Variants in STXBP2 observed in about 807,000 individuals in gnomAD.
The protein encoded by STXBP2 is syntaxin binding protein 2, also known as syntaxin-binding protein 2.
A neutral mutation model predicts 72.2 loss-of-function variants in STXBP2; 47 were observed. The ratio of observed to expected loss-of-function variants is 0.65; its 90% CI spans 0.51 to 0.83. STXBP2 has a LOEUF of 0.83. STXBP2 is among the 40% of genes least tolerant of loss of function. The pLI is 0.00. For missense variants in STXBP2, 702 were observed against 807.6 expected (o/e 0.87, Z 1.58); for synonymous variants, 367 against 338.7 (o/e 1.08, Z -0.92).
intron 1 of STXBP2, among the ~76,000 whole-genome samples, chr19:7,638,437 A>C: frequency 6.6e-6 from 1 of 152,110 alleles, no homozygotes; most frequent in Admixed American, 6.5e-5. Context: ...CCCCATCTAT[A>C]CAGAAATAAA....
chr19:7,631,153 A>T, the STXBP2 span: 2 of 1,014,468 alleles, frequency 2.0e-6, no homozygotes, highest in Non-Finnish European at 2.8e-6. Flanking sequence ...GGTTGCAGTG[A>T]GCCCAAGATC....
At chr19:7,631,042 C>T in the STXBP2 span, 27 of 780,682 alleles carry the variant, frequency 3.5e-5, no homozygotes, top group Non-Finnish European at 5.2e-5. Flanking sequence ...AACCCCATGT[C>T]TACAGAAATA....
chr19:7,638,328 G>A (rs2031646415), intron 1 of STXBP2, among the ~76,000 whole-genome samples: 1 of 152,224 alleles, frequency 6.6e-6, no homozygotes. Flanking sequence ...TGATTCCTGT[G>A]CCGTGTCTCA....
At chr19:7,640,458 G>A (rs1250476519) in intron 4 of STXBP2, 2 of 671,162 alleles carry the variant, frequency 3.0e-6, no homozygotes, top group South Asian at 3.1e-5. Flanking sequence ...GTATGTATGT[G>A]TGTGCATCTC....
At chr19:7,635,404 G>A (rs947099412), upstream of STXBP2, among the ~76,000 whole-genome samples, 4 of 152,216 alleles carry the variant, frequency 2.6e-5, no homozygotes, top group African/African-American at 9.7e-5. Context: ...TGTTACAAAA[G>A]GAGGAAGGGG....
chr19:7,632,059 C>A, upstream of STXBP2: 1 of 522,824 alleles, frequency 1.9e-6, no homozygotes, highest in Non-Finnish European at 3.3e-6. The surrounding 1 kb of genome is among the most constrained non-coding windows in gnomAD (Gnocchi z 5.2). Context: ...TGTGAGTATA[C>A]AGATGTATAT....
Position 7,640,828 on chromosome 19 carries a change from G to A in STXBP2, c.325+19G>A, listed in dbSNP as rs2146213626. 1.2e-6 allele frequency: 2 copies of A among 1,614,070 alleles called. No homozygotes were observed. Among genetic ancestry groups the A allele is most frequent in the African/African-American group, 1.3e-5 (1 of 75,036 alleles). ...ACCGACAGTGAGTGAGGAGAGCCTA[G>A]GGTGTTGGTGGGTGGGGCAAGGAGG... On this transcript the variant is annotated intron_variant, in intron 5 of 18. Coordinates refer to ENST00000221283, the MANE Select transcript of STXBP2 (RefSeq NM_006949.4).
At chr19:7,637,797 C>T (rs2031616133) in intron 1 of STXBP2, among the ~76,000 whole-genome samples, 1 of 152,224 alleles carries the variant, frequency 6.6e-6, no homozygotes, top group Admixed American at 6.5e-5. Flanking sequence ...CCCTGGCCGT[C>T]TTGATAACAG....
chr19:7,647,695 C>T (rs2032194049), intron 18 of STXBP2, 30 bp from the exon 19 acceptor site: 1 of 1,612,592 alleles, frequency 6.2e-7, no homozygotes, highest in African/African-American at 1.3e-5. Context: ...CGCCCCCCAA[C>T]ATCTTCCCCA....
chr19:7,641,199 TAAAA>T (rs1417339723), intron 6 of STXBP2, 196 bp downstream of exon 6: 2 of 663,368 alleles, frequency 3.0e-6, no homozygotes, highest in Non-Finnish European at 5.4e-6. Context: ...CCCCGTCTCT[TAAAA>T]AAAGAAAAAG....
At chr19:7,631,771 TG>T in the STXBP2 span, 1 of 1,419,968 alleles carries the variant, frequency 7.0e-7, no homozygotes, top group Non-Finnish European at 9.2e-7. Flanking sequence ...GAGCAGGGGT[TG>T]GGGACTGAGG....
chr19:7,640,197 T>C (rs919939264), intron 4 of STXBP2: 1 of 555,242 alleles, frequency 1.8e-6, no homozygotes, highest in Non-Finnish European at 3.4e-6. Flanking sequence ...CATGTGTGTA[T>C]GCGTGTGTAT....
chr19:7,644,669 T>C lies in STXBP2; in HGVS notation c.1163T>C (p.Leu388Pro), dbSNP rs1251317878. 9 of 1,613,730 alleles carry C rather than the reference T, an allele frequency of 5.6e-6. No homozygotes were observed. Among genetic ancestry groups the C allele is most frequent in the Non-Finnish European group, 7.6e-6 (9 of 1,179,848 alleles). The change falls in exon 14 of 19, where the codon CTG becomes CCG. Residue 388 changes from leucine to proline, a missense_variant. By Grantham distance (98) the Leu-to-Pro change is moderately conservative. Transcript: ENST00000221283. ...EGEKIKDSMK[L>P]IVPVLLDAAV... The stretch of plus-strand genomic sequence containing the variant: ...GAGAAGATCAAGGACTCCATGAAGC[T>C]GATCGTTCCGGTGCTGCTGGACGCG...
At position 7,642,556 on chromosome 19, in the gene STXBP2, G is replaced by A. The variant is rs779607080; in HGVS notation, c.902+20G>A. 309 of 1,611,096 alleles carry A rather than the reference G, an allele frequency of 1.9e-4. No individual in the cohort carries two copies. Among genetic ancestry groups the A allele is most frequent in the Non-Finnish European group, 2.4e-4 (284 of 1,178,160 alleles). On this transcript the variant is annotated intron_variant, in intron 10 of 18. Coordinates refer to ENST00000221283, the MANE Select transcript of STXBP2 (RefSeq NM_006949.4). This position sits in a 1 kb window ranked among gnomAD's most constrained non-coding sequence, Gnocchi z 6.0. The stretch of plus-strand genomic sequence containing the variant: ...GTCCAAGTGCGTGCACACGGGGACC[G>A]GATCCCCCCCCCACCGCCCACTGTG...
chr19:7,640,096 ATT>A (rs1334889856), intron 4 of STXBP2: 7 of 565,896 alleles, frequency 1.2e-5, no homozygotes, highest in South Asian at 4.7e-5. Context: ...CTGTGTGTGC[ATT>A]TGTGTCTGTG....
In STXBP2 at chr19:7,644,662, A is replaced by G. The variant is rs535236814; in HGVS notation, c.1156A>G (p.Met386Val). The change falls in exon 14 of 19, where the codon ATG becomes GTG. Residue 386 changes from methionine to valine, a missense_variant. Met to Val is a conservative substitution (Grantham distance 21). Coordinates refer to ENST00000221283, the MANE Select transcript of STXBP2 (RefSeq NM_006949.4). ...AGAGGGGGAGAAGATCAAGGACTCC[A>G]TGAAGCTGATCGTTCCGGTGCTGCT... ...DAEGEKIKDS[M>V]KLIVPVLLDA... is the part of the protein sequence containing the mutation. 2.5e-6 allele frequency: 4 copies of G among 1,613,712 alleles called. No individual in the cohort carries two copies. The Admixed American group carries it at 6.7e-5, about 27-fold the overall frequency.
the STXBP2 span, chr19:7,631,215 A>G: frequency 1.4e-6 from 2 of 1,384,098 alleles, no homozygotes; most frequent in African/African-American, 1.5e-5. Context: ...TCTCAAAAAG[A>G]AACATTTTAC....
intron 1 of STXBP2, 124 bp from the exon 2 acceptor site, chr19:7,638,602 C>T: frequency 9.9e-7 from 1 of 1,014,862 alleles, no homozygotes; most frequent in Non-Finnish European, 1.5e-6. Context: ...ATCCTCCTCT[C>T]TTAAAAAAAA....
chr19:7,647,125 C>T (rs2032166104), intron 16 of STXBP2, 37 bp from the exon 17 acceptor site: 1 of 1,605,076 alleles, frequency 6.2e-7, no homozygotes, highest in Non-Finnish European at 8.5e-7. Flanking sequence ...GACCCCATGC[C>T]TGGGGTTCCT....
Sources: allele counts gnomAD v4.1 joint callset (sites outside exome capture counted in the v4.1 genomes callset), GRCh38; gene constraint gnomAD v4.1.1; non-coding constraint Gnocchi (gnomAD v3.1); transcripts MANE v1.5; gene names NCBI Gene and HGNC (gene_info 2026-07-23, HGNC 2026-07-21).